CAPN3: variants seen among roughly 807,000 people sequenced by gnomAD.
CAPN3 encodes the protein calpain 3, also known as calpain-3.
Under a neutral mutation model 114.0 loss-of-function variants are expected in CAPN3, and 88 were observed. The observed-to-expected ratio is 0.77, with a 90% confidence interval of 0.65 to 0.92. The LOEUF (loss-of-function observed/expected upper bound fraction) is 0.92, where lower values mean the gene tolerates loss of function less well. Among genes scored for constraint, CAPN3 ranks in the 40% least tolerant of loss-of-function variants. CAPN3 has a pLI of 0.00. For missense variants in CAPN3, 1,028 were observed against 1,069.0 expected (o/e 0.96, Z 0.53); for synonymous variants, 386 against 382.9 (o/e 1.01, Z -0.09).
At chr15:42,400,127 G>A (rs547596931) in intron 10 of CAPN3, among the ~76,000 whole-genome samples, 9 of 152,234 alleles carry the variant, frequency 5.9e-5, no homozygotes, top group South Asian at 2.1e-4. Context: ...ATGGTTGTAC[G>A]GGTACTCGAA....
rs16952474 is a variant in CAPN3, at chr15:42,408,023, A to G, written c.1801-188A>G. ...TGAGGAGGGATGGAGTGGGTATGAA[A>G]AGATAAAGAACTGAAGTCACACGGC... On this transcript the variant is annotated intron_variant, in intron 15 of 23. Coordinates refer to ENST00000397163, the MANE Select transcript of CAPN3 (RefSeq NM_000070.3). Among the ~76,000 whole-genome samples the G allele has an allele frequency of 0.037, 5,600 of 152,240 alleles. 109 individuals are homozygous for G. Among genetic ancestry groups the G allele is most frequent in the African/African-American group, 0.048 (2,005 of 41,532 alleles).
At chr15:42,408,065 T>C (rs2054075761) in intron 15 of CAPN3, 146 bp from the exon 16 acceptor site, 12 of 651,430 alleles carry the variant, frequency 1.8e-5, no homozygotes, top group South Asian at 1.2e-4. Context: ...GTGGCAGAGA[T>C]AGAGCTTGAA....
At chr15:42,396,605 A>G (rs2053700058) in intron 8 of CAPN3, among the ~76,000 whole-genome samples, 195 bp from the exon 9 acceptor site, 1 of 152,092 alleles carries the variant, frequency 6.6e-6, no homozygotes, top group African/African-American at 2.4e-5. Flanking sequence ...CAGCCCATTT[A>G]AGGAGTTTAG....
intron 10 of CAPN3, among the ~76,000 whole-genome samples, 178 bp downstream of exon 10, chr15:42,399,830 A>C (rs567675795): frequency 6.6e-6 from 1 of 152,242 alleles, no homozygotes; most frequent in Non-Finnish European, 1.5e-5. Context: ...AGCTGGTAGC[A>C]ACTTTGAAGC....
rs1218184206 is a variant in CAPN3, at chr15:42,396,747, A to G, written c.1116-53A>G. 9 of 1,387,210 alleles carry G rather than the reference A, an allele frequency of 6.5e-6. No homozygotes were observed. The East Asian group carries it at 1.8e-4, about 28-fold the overall frequency. 85.9% of individuals were successfully genotyped at this position (1,387,210 alleles called of 1,614,324 possible). On this transcript the variant is annotated intron_variant, in intron 8 of 23. Transcript: ENST00000397163. ...TCTCTGATACCTCCTGTCCCAACCT[A>G]CATCAGGCCTTCCCTTCTTCCTGCT...
At chr15:42,408,897 G>A (rs189640096) in intron 16 of CAPN3, 16 of 289,320 alleles carry the variant, frequency 5.5e-5, no homozygotes, top group Admixed American at 9.7e-5. Context: ...GCCTCATGCA[G>A]TGGGGCCTAG....
chr15:42,374,122 G>C (rs1391751944), intron 1 of CAPN3: 1 of 152,728 alleles, frequency 6.5e-6, no homozygotes, highest in African/African-American at 2.4e-5. Flanking sequence ...CACGGGCTCA[G>C]GGGCCTCCAG....
chr15:42,363,231 CA>C, intron 1 of CAPN3, among the ~76,000 whole-genome samples: 1 of 152,192 alleles, frequency 6.6e-6, no homozygotes, highest in Non-Finnish European at 1.5e-5. Context: ...CCAGGGCAAA[CA>C]ATCTGGTTCC....
chr15:42,387,934 G>C, intron 4 of CAPN3, 48 bp downstream of exon 4: 1 of 1,613,182 alleles, frequency 6.2e-7, no homozygotes, highest in Non-Finnish European at 8.5e-7. Flanking sequence ...TGAGAAAGTG[G>C]GTTGCAAAAT....
chr15:42,372,747 C>G (rs947202830), intron 1 of CAPN3, among the ~76,000 whole-genome samples: 8 of 152,014 alleles, frequency 5.3e-5, no homozygotes, highest in Non-Finnish European at 8.8e-5. Context: ...ACTTGGGAGG[C>G]TGAGGCAGGA....
intron 1 of CAPN3, among the ~76,000 whole-genome samples, chr15:42,381,747 C>T (rs2053256855): frequency 6.6e-6 from 1 of 152,146 alleles, no homozygotes; most frequent in Non-Finnish European, 1.5e-5. Flanking sequence ...GTCATGTTGG[C>T]CAGGCTGGTC....
chr15:42,398,045 A>T (rs1162475662), intron 9 of CAPN3, among the ~76,000 whole-genome samples: 1 of 152,058 alleles, frequency 6.6e-6, no homozygotes, highest in East Asian at 1.9e-4. Context: ...GGGATTACAG[A>T]TGTAAGCCAC....
chr15:42,360,904 T>C (rs1595795271), intron 1 of CAPN3, among the ~76,000 whole-genome samples: 1 of 152,298 alleles, frequency 6.6e-6, no homozygotes, highest in South Asian at 2.1e-4. Flanking sequence ...TCGAGAAATA[T>C]TTATTGAGCA....
chr15:42,403,966 G>A (rs1278873059), intron 14 of CAPN3, 189 bp downstream of exon 14: 6 of 674,664 alleles, frequency 8.9e-6, no homozygotes, highest in Non-Finnish European at 1.6e-5. Context: ...CTTAAGCACC[G>A]GGGGCCATTG....
At chr15:42,392,142 G>C (rs973268019) in intron 6 of CAPN3, among the ~76,000 whole-genome samples, 4 of 152,102 alleles carry the variant, frequency 2.6e-5, no homozygotes, top group Non-Finnish European at 4.4e-5. Flanking sequence ...TCCAGCCTGG[G>C]CGACACAGCA....
rs1289189689 is a variant in CAPN3, at chr15:42,390,032, T to C, written c.881T>C (p.Met294Thr). 2 of 1,614,094 alleles carry C rather than the reference T, an allele frequency of 1.2e-6. No individual in the cohort carries two copies. Among genetic ancestry groups the C allele is most frequent in the Non-Finnish European group, 1.7e-6 (2 of 1,180,000 alleles). ...TTGATTGCACGGATGGTAAGGAATATGGATAACTCACTGCTCCAGGACTCA... is the reference window on the plus strand; with the variant it reads ...TTGATTGCACGGATGGTAAGGAATACGGATAACTCACTGCTCCAGGACTCA... ...GELIARMVRN[M>T]DNSLLQDSDL... is the part of the protein sequence containing the mutation. The change falls in exon 6 of 24, where the codon ATG becomes ACG. Residue 294 changes from methionine (M) to threonine (T), a missense_variant. By Grantham distance (81) the Met-to-Thr change is moderately conservative (BLOSUM62 -1). Transcript: ENST00000397163.
At chr15:42,402,188 C>G in intron 12 of CAPN3, 53 bp downstream of exon 12, 1 of 1,613,350 alleles carries the variant, frequency 6.2e-7, no homozygotes. Context: ...CAGGGGGCCC[C>G]GAGTCTGTCT....
chr15:42,398,496 A>G (rs1367241008), intron 9 of CAPN3, among the ~76,000 whole-genome samples: 1 of 151,272 alleles, frequency 6.6e-6, no homozygotes, highest in Non-Finnish European at 1.5e-5. Flanking sequence ...AGGCAGGAGA[A>G]TCCCTTGACC....
chr15:42,401,781 C>G lies in CAPN3; in HGVS notation c.1495C>G (p.Leu499Val), dbSNP rs1595837194. The G allele has an allele frequency of 6.2e-7, 1 of 1,613,964 alleles. No homozygotes were observed. The highest frequency in any genetic ancestry group is 8.5e-7 in the Non-Finnish European group (1 of 1,179,934). Reference protein sequence around the residue: ...RRKDRKLGASLFTIGFAIYEV... With the variant: ...RRKDRKLGASVFTIGFAIYEV... ...GAAGGACCGGAAGCTAGGGGCCAGT[C>G]TCTTCACCATTGGCTTCGCCATCTA... The change falls in exon 11 of 24, where the codon CTC (leucine) becomes GTC (valine). Residue 499 changes from leucine to valine, a missense_variant. By Grantham distance (32) the Leu-to-Val change is conservative. Transcript: ENST00000397163.
Sources: allele counts gnomAD v4.1 joint callset (sites outside exome capture counted in the v4.1 genomes callset), GRCh38; gene constraint gnomAD v4.1.1; transcripts MANE v1.5; gene names NCBI Gene and HGNC (gene_info 2026-07-23, HGNC 2026-07-21).